Variants in ERICH3 observed in about 807,000 individuals in gnomAD.
ERICH3 encodes glutamate rich 3, also known as glutamate-rich protein 3.
ERICH3 carries 126 observed loss-of-function variants against 131.1 expected under a neutral mutation model. That is an observed-to-expected ratio of 0.96 (90% CI 0.83 to 1.11). ERICH3 has a LOEUF of 1.11. Ranked by LOEUF, ERICH3 falls within the 50% of genes most tolerant of loss-of-function variation. The pLI is 0.00. For missense variants in ERICH3, 2,050 were observed against 1,810.7 expected, an observed-to-expected ratio of 1.13 and a Z score of -2.40; for synonymous variants, 695 against 644.6, an observed-to-expected ratio of 1.08 and a Z score of -1.18.
intron 11 of ERICH3, among the ~76,000 whole-genome samples, chr1:74,594,338 T>C (rs936551774): frequency 1.3e-5 from 2 of 151,386 alleles, no homozygotes; most frequent in African/African-American, 4.9e-5. Flanking sequence ...TCACTGTTTA[T>C]ACTGCCTGAT....
chr1:74,610,235 T>G (rs550749697), intron 9 of ERICH3, among the ~76,000 whole-genome samples: 3 of 151,684 alleles, frequency 2.0e-5, no homozygotes, highest in African/African-American at 7.3e-5. Flanking sequence ...TCTGGATGAT[T>G]CTTTTACACT....
chr1:74,646,629 AAAAT>A, intron 3 of ERICH3, 34 bp downstream of exon 3: 1 of 1,080,710 alleles, frequency 9.3e-7, no homozygotes, highest in East Asian at 3.0e-5. Context: ...GAAGTAGAAA[AAAAT>A]AAAATAAAAT....
At chr1:74,590,819 A>G (rs1647558901) in intron 11 of ERICH3, among the ~76,000 whole-genome samples, 1 of 152,208 alleles carries the variant, frequency 6.6e-6, no homozygotes, top group African/African-American at 2.4e-5. Flanking sequence ...ATATGAGTAT[A>G]TAGAAATTTT....
chr1:74,600,541 T>C (rs1648080121), intron 10 of ERICH3, among the ~76,000 whole-genome samples: 1 of 151,884 alleles, frequency 6.6e-6, no homozygotes, highest in African/African-American at 2.4e-5. Context: ...ATAAATGAAA[T>C]AATTACATTT....
rs754729258 is a variant in ERICH3, at chr1:74,636,327, T to C, written c.556A>G (p.Arg186Gly). The C allele has an allele frequency of 1.9e-6, 3 of 1,612,100 alleles. No homozygotes were observed. The highest frequency in any genetic ancestry group is 2.2e-5 in the South Asian group (2 of 90,754). ...TTTTCCAGCAATGAGGTTTTTGATCTGGACCTTGAAGTTACCTTTGGAACA... is the reference window on the plus strand; with the variant it reads ...TTTTCCAGCAATGAGGTTTTTGATCCGGACCTTGAAGTTACCTTTGGAACA... ...ETVPKVTSRS[R>G]SKTSLLENEA... The change falls in exon 6 of 15, where the codon AGA (arginine) becomes GGA (glycine). Residue 186 changes from arginine to glycine, a missense_variant. Physicochemically the swap from Arg to Gly is moderately radical, Grantham distance 125. Transcript: ENST00000326665.
rs1646763093 is a variant in ERICH3, at chr1:74,673,681, G to A, written c.-162C>T. 1.7e-6 allele frequency: 1 copy of A among 579,584 alleles called. No individual in the cohort carries two copies. The allele number at this position is 579,584 out of a possible 1,614,324, so 35.9% of individuals were successfully genotyped here. A position where few individuals can be genotyped will look rare whatever the true frequency, so the allele number is the denominator to read the frequency against. On this transcript the variant is annotated 5_prime_UTR_variant, in exon 1 of 15. Coordinates refer to ENST00000326665, the MANE Select transcript of ERICH3 (RefSeq NM_001002912.5). ...GGGCCGCCGCCGCCCCTGGGCGCCCGGGCTACCCGCAGCCTCCCGGGCTCC... is the reference window on the plus strand; with the variant it reads ...GGGCCGCCGCCGCCCCTGGGCGCCCAGGCTACCCGCAGCCTCCCGGGCTCC...
chr1:74,649,411 C>G, intron 1 of ERICH3, 96 bp from the exon 2 acceptor site: 1 of 843,642 alleles, frequency 1.2e-6, no homozygotes, highest in Non-Finnish European at 1.9e-6. Context: ...CATAATCATT[C>G]ACTCATGCAG....
rs147763194 is a variant in ERICH3 at position 74,572,884 on chromosome 1, G to C, written c.2826C>G (p.Val942=). The change falls in exon 14 of 15, where the codon GTC becomes GTG. Residue 942 remains valine (V), a synonymous_variant. Coordinates refer to ENST00000326665, the MANE Select transcript of ERICH3 (RefSeq NM_001002912.5). ...TGGATGCTTCCTCTTCACTTTCTCCGACATCACTCACAGCCACCCCACCCT... is the reference window on the plus strand; with the variant it reads ...TGGATGCTTCCTCTTCACTTTCTCCCACATCACTCACAGCCACCCCACCCT... ...EAEGGVAVSD[V]GESEEEASID... 1.5e-3 allele frequency: 2,486 copies of C among 1,613,540 alleles called. 38 individuals carry two copies. The highest frequency in any genetic ancestry group is 9.6e-4 in the East Asian group (43 of 44,830).
intron 1 of ERICH3, among the ~76,000 whole-genome samples, chr1:74,668,916 G>C (rs1280498906): frequency 6.6e-6 from 1 of 152,136 alleles, no homozygotes; most frequent in African/African-American, 2.4e-5. Context: ...GTGCAAGTGG[G>C]TAACAAACAG....
intron 11 of ERICH3, among the ~76,000 whole-genome samples, chr1:74,598,976 T>A (rs1260370727): frequency 2.6e-5 from 4 of 151,978 alleles, no homozygotes; most frequent in Non-Finnish European, 5.9e-5. Flanking sequence ...AATAATAAGT[T>A]ATTCATACAC....
rs779891898 is a variant in ERICH3, at chr1:74,576,844, C to T, written c.2218+51G>A. ...GGGAAGTTTGACCAGATTTATGAGT[C>T]ATGGTCTGTTGGATCACTCTAATTG... On this transcript the variant is annotated intron_variant, in intron 13 of 14. Coordinates refer to ENST00000326665, the MANE Select transcript of ERICH3 (RefSeq NM_001002912.5). 5 of 1,498,580 alleles carry T rather than the reference C, an allele frequency of 3.3e-6. No individual in the cohort carries two copies. In the East Asian group the frequency reaches 9.1e-5, roughly 27 times the overall value. 92.8% of individuals were successfully genotyped at this position (1,498,580 alleles called of 1,614,324 possible). A position where few individuals can be genotyped will look rare whatever the true frequency, so the allele number is the denominator to read the frequency against.
In ERICH3 at chr1:74,571,821, C is replaced by T; in HGVS notation, c.3889G>A (p.Glu1297Lys). 1.2e-6 allele frequency: 2 copies of T among 1,613,256 alleles called. No individual in the cohort carries two copies. The highest frequency in any genetic ancestry group is 1.1e-5 in the South Asian group (1 of 91,080). ...TCCAGAGTGCACTCTTTGTCCTCTT[C>T]CTCCTCTGGGTCCTCATCCACCGCT... ...EEAVDEDPEE[E>K]EDKECTLETE... The change falls in exon 14 of 15, where the codon GAA (glutamate) becomes AAA (lysine). Residue 1297 changes from glutamate (E) to lysine (K), a missense_variant. By Grantham distance (56) the Glu-to-Lys change is moderately conservative. Transcript: ENST00000326665.
Position 74,589,853 on chromosome 1 carries a change from C to A in ERICH3, c.1954G>T (p.Ala652Ser). Residue 652 changes from alanine (A) to serine (S), a missense_variant, in exon 12 of 15, where the codon GCA becomes TCA. Physicochemically the swap from Ala to Ser is moderately conservative, Grantham distance 99 (BLOSUM62 1). Coordinates refer to ENST00000326665, the MANE Select transcript of ERICH3 (RefSeq NM_001002912.5). ...GGCATCGGCTTGGTCTCCACATCTG[C>A]TTTTGTTATTTCTTGGTCTTCAATT... ...IEIEDQEITK[A>S]DVETKPMPID... 6.2e-7 allele frequency: 1 copy of A among 1,614,066 alleles called. No homozygotes were observed. The highest frequency in any genetic ancestry group is 8.5e-7 in the Non-Finnish European group (1 of 1,179,980).
intron 8 of ERICH3, among the ~76,000 whole-genome samples, chr1:74,613,529 C>T (rs1485814915): frequency 6.6e-6 from 1 of 152,144 alleles, no homozygotes; most frequent in Non-Finnish European, 1.5e-5. Flanking sequence ...CTCATTAATA[C>T]ATTTTAAAAT....
rs1169512186 is a variant in ERICH3 at position 74,673,759 on chromosome 1, A to AGC, written c.-242_-241dup. The AGC allele has an allele frequency of 7.5e-6, 3 of 402,288 alleles. No homozygotes were observed. Among genetic ancestry groups the AGC allele is most frequent in the East Asian group, 7.9e-5 (2 of 25,256 alleles). The allele number at this position is 402,288 out of a possible 1,614,324, so 24.9% of individuals were successfully genotyped here. ...CTGTTGCTAAGGGAGGAGAGAGGCA[A>AGC]GCGCCCAGGGTCTGGAGAAGCGGAG... On this transcript the variant is annotated 5_prime_UTR_variant, in exon 1 of 15. Coordinates refer to ENST00000326665, the MANE Select transcript of ERICH3 (RefSeq NM_001002912.5).
At chr1:74,646,575 CA>C (rs997360074) in intron 3 of ERICH3, 91 bp downstream of exon 3, 8 of 803,434 alleles carry the variant, frequency 1.0e-5, no homozygotes, top group Non-Finnish European at 1.4e-5. Flanking sequence ...AAATCAATTA[CA>C]AAGAAAATAG....
intron 12 of ERICH3, among the ~76,000 whole-genome samples, chr1:74,587,723 A>C (rs1450782674): frequency 6.6e-6 from 1 of 152,124 alleles, no homozygotes; most frequent in Non-Finnish European, 1.5e-5. Flanking sequence ...GACCTTTAAC[A>C]CCTCTACCTT....
intron 12 of ERICH3, chr1:74,579,986 A>G (rs1647148508): frequency 1.4e-6 from 1 of 703,036 alleles, no homozygotes; most frequent in African/African-American, 2.0e-5. Context: ...TTCTTATTTT[A>G]CAATGTCAGC....
chr1:74,590,414 C>G (rs1647536174), intron 11 of ERICH3, among the ~76,000 whole-genome samples: 1 of 152,220 alleles, frequency 6.6e-6, no homozygotes, highest in East Asian at 1.9e-4. Flanking sequence ...AATATAGAAT[C>G]AGTGGGAGCC....
Sources: allele counts gnomAD v4.1 joint callset (sites outside exome capture counted in the v4.1 genomes callset), GRCh38; gene constraint gnomAD v4.1.1; transcripts MANE v1.5; gene names NCBI Gene and HGNC (gene_info 2026-07-23, HGNC 2026-07-21).